The following LRRC8C variants were observed in gnomAD, a reference collection of about 807,000 sequenced individuals.
The protein encoded by LRRC8C is volume-regulated anion channel subunit LRRC8C.
A neutral mutation model predicts 55.3 loss-of-function variants in LRRC8C; 20 were observed. That is an observed-to-expected ratio of 0.36 (90% confidence interval 0.25 to 0.53). The LOEUF (loss-of-function observed/expected upper bound fraction) is 0.53, where lower values mean the gene tolerates loss of function less well. LRRC8C is among the 20% of genes least tolerant of loss of function. LRRC8C has a pLI of 0.92. For missense variants in LRRC8C, 659 were observed against 951.4 expected (o/e 0.69, Z 4.04); for synonymous variants, 376 against 360.7 (o/e 1.04, Z -0.48).
chr1:89,633,509 C>T (rs1656191018), intron 1 of LRRC8C, among the ~76,000 whole-genome samples, 187 bp downstream of exon 1: 1 of 152,214 alleles, frequency 6.6e-6, no homozygotes, highest in Non-Finnish European at 1.5e-5. Flanking sequence ...TCCGCTACTG[C>T]GGCTCAGGAG....
intron 2 of LRRC8C, among the ~76,000 whole-genome samples, chr1:89,708,948 A>AT (rs1055801439): frequency 2.7e-4 from 41 of 151,576 alleles, no homozygotes; most frequent in East Asian, 2.3e-3. Context: ...AGATTCCAGT[A>AT]TTTTTTTTTC....
Position 89,638,481 on chromosome 1 carries a change from C to G in LRRC8C, c.-5+5159C>G, listed in dbSNP as rs545481529. ...AATTTTTCCTAGGGGCAAGATTGTC[C>G]CCCGCTTGAGAACACATGGTGTAGC... On this transcript the variant is annotated intron_variant, in intron 1 of 2. Transcript: ENST00000370454. 2.2e-4 allele frequency among the ~76,000 whole-genome samples: 22 copies of G among 101,778 alleles called. No individual in the cohort carries two copies. The South Asian group carries it at 5.9e-3, about 27-fold the overall frequency. 66.8% of individuals were successfully genotyped at this position (101,778 alleles called of 152,430 possible).
chr1:89,686,838 A>T (rs1344883938), intron 2 of LRRC8C, among the ~76,000 whole-genome samples: 1 of 152,222 alleles, frequency 6.6e-6, no homozygotes, highest in Non-Finnish European at 1.5e-5. Flanking sequence ...AGAGCAATTG[A>T]CTGTAGTCAA....
chr1:89,712,512 A>T (rs149343942), intron 2 of LRRC8C, among the ~76,000 whole-genome samples, 197 bp from the exon 3 acceptor site: 1 of 152,236 alleles, frequency 6.6e-6, no homozygotes, highest in Non-Finnish European at 1.5e-5. Context: ...TAACTTAGAC[A>T]TGATGAACAA....
intron 1 of LRRC8C, among the ~76,000 whole-genome samples, chr1:89,669,416 C>T (rs145412091): frequency 6.2e-4 from 94 of 152,126 alleles, no homozygotes; most frequent in African/African-American, 1.8e-3. Context: ...AAATTTTAAG[C>T]GGGTAGATCT....
intron 1 of LRRC8C, among the ~76,000 whole-genome samples, chr1:89,639,128 G>A (rs1656384992): frequency 6.6e-6 from 1 of 151,978 alleles, no homozygotes; most frequent in Non-Finnish European, 1.5e-5. Flanking sequence ...TGGGACTACA[G>A]GCACAAGCCA....
intron 1 of LRRC8C, among the ~76,000 whole-genome samples, chr1:89,678,838 A>C (rs1319572156): frequency 6.6e-6 from 1 of 152,150 alleles, no homozygotes; most frequent in East Asian, 1.9e-4. Flanking sequence ...CTTGCTATTT[A>C]CTGAATAGGA....
At chr1:89,658,136 C>T (rs1250345959) in intron 1 of LRRC8C, among the ~76,000 whole-genome samples, 1 of 152,164 alleles carries the variant, frequency 6.6e-6, no homozygotes, top group Non-Finnish European at 1.5e-5. Flanking sequence ...TCTTTGGCCA[C>T]ACTACTGTTT....
At chr1:89,645,719 G>C (rs1276324344) in intron 1 of LRRC8C, among the ~76,000 whole-genome samples, 1 of 152,082 alleles carries the variant, frequency 6.6e-6, no homozygotes. Context: ...TGAAATATTA[G>C]AGTGTTTTCT....
Position 89,714,624 on chromosome 1 carries a change from T to G in LRRC8C, c.2054T>G (p.Ile685Ser). ...TCCCACCTCTTCCTATGCAACAAGA[T>G]CCGATACTTGGACTTATCGTACAAT... ...LPSHLFLCNKIRYLDLSYNDI... is the reference protein window; with the variant it reads ...LPSHLFLCNKSRYLDLSYNDI... Residue 685 changes from isoleucine to serine, a missense_variant, in exon 3 of 3, where the codon ATC becomes AGC. Coordinates refer to ENST00000370454, the MANE Select transcript of LRRC8C (RefSeq NM_032270.5). The surrounding 1 kb of genome is among the most constrained non-coding windows in gnomAD (Gnocchi z 4.6). 3 of 1,614,110 alleles carry G rather than the reference T, an allele frequency of 1.9e-6. No homozygotes were observed. Among genetic ancestry groups the G allele is most frequent in the Non-Finnish European group, 2.5e-6 (3 of 1,180,014 alleles).
chr1:89,616,280 T>C, the LRRC8C span, among the ~76,000 whole-genome samples: 1 of 152,112 alleles, frequency 6.6e-6, no homozygotes, highest in South Asian at 2.1e-4. Flanking sequence ...CACTAGCAGG[T>C]CTTCTGGAAG....
intron 1 of LRRC8C, among the ~76,000 whole-genome samples, chr1:89,669,871 G>A (rs1331778910): frequency 6.6e-6 from 1 of 152,108 alleles, no homozygotes; most frequent in Non-Finnish European, 1.5e-5. Context: ...GTAGAGATTG[G>A]ACATGGAAAA....
At chr1:89,663,737 CCCA>C (rs771408784) in intron 1 of LRRC8C, among the ~76,000 whole-genome samples, 10 of 152,218 alleles carry the variant, frequency 6.6e-5, no homozygotes, top group Admixed American at 2.0e-4. Context: ...AATTTACACT[CCCA>C]CCAACAGTGT....
chr1:89,699,073 C>T (rs752193561), intron 2 of LRRC8C, among the ~76,000 whole-genome samples: 3 of 152,074 alleles, frequency 2.0e-5, no homozygotes, highest in Non-Finnish European at 2.9e-5. Context: ...AACGGTCAAG[C>T]TATGAAAAGA....
intron 2 of LRRC8C, among the ~76,000 whole-genome samples, chr1:89,692,703 A>G (rs1658057548): frequency 6.6e-6 from 1 of 152,242 alleles, no homozygotes. Context: ...ACTATAAGCC[A>G]GGAGAGTGTA....
At chr1:89,634,123 T>C (rs1656215583) in intron 1 of LRRC8C, among the ~76,000 whole-genome samples, 1 of 152,174 alleles carries the variant, frequency 6.6e-6, no homozygotes, top group Admixed American at 6.5e-5. Flanking sequence ...TCCAAACAGT[T>C]TCTTCCAAAC....
chr1:89,645,651 G>A (rs1656589947), intron 1 of LRRC8C, among the ~76,000 whole-genome samples: 1 of 152,012 alleles, frequency 6.6e-6, no homozygotes, highest in Non-Finnish European at 1.5e-5. Context: ...ATGTCATAGA[G>A]TATAACAATA....
At chr1:89,662,897 C>T (rs972763960) in intron 1 of LRRC8C, among the ~76,000 whole-genome samples, 1 of 152,006 alleles carries the variant, frequency 6.6e-6, no homozygotes, top group South Asian at 2.1e-4. Flanking sequence ...TAGGTATACA[C>T]GTGCCATGGT....
Position 89,678,071 on chromosome 1 carries a change from T to C in LRRC8C, c.-4-8399T>C, listed in dbSNP as rs1657597555. 2.0e-5 allele frequency among the ~76,000 whole-genome samples: 3 copies of C among 152,342 alleles called. No homozygotes were observed. In the South Asian group the frequency reaches 6.2e-4, roughly 32 times the overall value. ...ACTCATAAATTTAAAATCATGGCAT[T>C]TCTGTTCGTTACCTCTTTTGCCCTT... On this transcript the variant is annotated intron_variant, in intron 1 of 2. Transcript: ENST00000370454.
Sources: gnomAD v4.1 joint callset for allele counts (sites outside exome capture counted in the v4.1 genomes callset) on GRCh38, gnomAD v4.1.1 for gene constraint, Gnocchi (gnomAD v3.1) non-coding constraint, MANE v1.5 for transcripts, NCBI Gene and HGNC (gene_info 2026-07-23, HGNC 2026-07-21) for gene names.